The following TERB1 variants were observed in gnomAD, a reference collection of about 807,000 sequenced individuals.
TERB1 encodes telomere repeats-binding bouquet formation protein 1.
A neutral mutation model predicts 92.3 loss-of-function variants in TERB1; 63 were observed. That is an observed-to-expected ratio of 0.68 (90% CI 0.56 to 0.84). The LOEUF is 0.84. TERB1 is among the 40% of genes least tolerant of loss of function. The probability of loss-of-function intolerance (pLI) is 0.00; values close to 1 mark genes in which losing one functional copy is unlikely to be tolerated. For synonymous variants in TERB1, 252 were observed against 283.9 expected (o/e 0.89, Z 1.13); for missense variants, 709 against 843.7 (o/e 0.84, Z 1.98).
Position 66,791,059 on chromosome 16 carries a change from T to TA in TERB1, c.32-41dup. 4 of 1,195,104 alleles carry TA rather than the reference T, an allele frequency of 3.3e-6. 1 individual carries two copies. In the South Asian group the frequency reaches 4.4e-5, roughly 13 times the overall value. The allele number at this position is 1,195,104 out of a possible 1,614,324, so 74.0% of individuals were successfully genotyped here. The stretch of plus-strand genomic sequence containing the variant: ...TGTCATTATTTTAAACCAAAAGGTT[T>TA]ATTTCATAAACTAACCATTCAAATT... On this transcript the variant is annotated intron_variant, in intron 3 of 18. Transcript: ENST00000433154.
chr16:66,768,934 T>A (rs951089920), intron 14 of TERB1, among the ~76,000 whole-genome samples: 1 of 151,846 alleles, frequency 6.6e-6, no homozygotes, highest in Non-Finnish European at 1.5e-5. Context: ...AGAAACTCCA[T>A]CTCTACTAAA....
intron 13 of TERB1, 133 bp from the exon 14 acceptor site, chr16:66,770,442 T>C: frequency 3.2e-6 from 2 of 629,490 alleles, no homozygotes; most frequent in Non-Finnish European, 5.3e-6. Flanking sequence ...TAAAAGGCAG[T>C]TTACATTAGG....
rs907548871 is a variant in TERB1, at chr16:66,796,832, T to C, written c.-32-2A>G. 7.1e-7 allele frequency: 1 copy of C among 1,405,208 alleles called. No individual in the cohort carries two copies. The highest frequency in any genetic ancestry group is 2.0e-5 in the Admixed American group (1 of 50,316). 87.0% of individuals were successfully genotyped at this position (1,405,208 alleles called of 1,614,324 possible). On this transcript the variant is annotated splice_acceptor_variant, in intron 2 of 18. Transcript: ENST00000433154. LOFTEE classifies it low-confidence loss of function (5UTR_SPLICE). ...ATATTCTTTTTCCTTATATTTTGTCTATAAGATAAAGGTATTTTCTCAATT... is the reference window on the plus strand; with the variant it reads ...ATATTCTTTTTCCTTATATTTTGTCCATAAGATAAAGGTATTTTCTCAATT...
intron 10 of TERB1, among the ~76,000 whole-genome samples, chr16:66,777,797 T>C (rs959780860): frequency 1.3e-5 from 2 of 152,164 alleles, no homozygotes; most frequent in Admixed American, 1.3e-4. Flanking sequence ...ACTGACTTAC[T>C]GATGCAATGA....
At chr16:66,790,369 AAAGGAAAGGC>A (rs2018810373) in intron 5 of TERB1, among the ~76,000 whole-genome samples, 3 of 150,116 alleles carry the variant, frequency 2.0e-5, no homozygotes, top group South Asian at 2.2e-4. Flanking sequence ...GAGAAAGAAG[AAAGGAAAGGC>A]AAGGAAAGGA....
chr16:66,780,209 G>T (rs754922640), intron 9 of TERB1, among the ~76,000 whole-genome samples: 1 of 152,080 alleles, frequency 6.6e-6, no homozygotes, highest in Non-Finnish European at 1.5e-5. Flanking sequence ...TCAATATTAT[G>T]GTGGCTCCAA....
At chr16:66,793,211 G>GA (rs2018865632) in intron 3 of TERB1, among the ~76,000 whole-genome samples, 1 of 93,546 alleles carries the variant, frequency 1.1e-5, no homozygotes, top group Non-Finnish European at 1.9e-5. Context: ...TTGTGGTTTG[G>GA]TTTTTTTTTT....
At chr16:66,785,760 T>C (rs1233056431) in intron 9 of TERB1, 26 bp downstream of exon 9, 2 of 1,500,216 alleles carry the variant, frequency 1.3e-6, no homozygotes, top group Admixed American at 4.8e-5. Flanking sequence ...TCTTCAACTA[T>C]GACCTAGAAA....
intron 9 of TERB1, 100 bp from the exon 10 acceptor site, chr16:66,779,115 A>T: frequency 1.1e-6 from 1 of 911,422 alleles, no homozygotes; most frequent in Non-Finnish European, 1.5e-6. Context: ...ACCTTTTCAA[A>T]TACTTTCTAA....
At chr16:66,790,043 G>A (rs2018803043) in intron 5 of TERB1, among the ~76,000 whole-genome samples, 4 of 152,042 alleles carry the variant, frequency 2.6e-5, no homozygotes, top group Admixed American at 2.6e-4. Flanking sequence ...AAAAATATAA[G>A]AATATAAAGT....
chr16:66,793,514 G>A (rs570802467), intron 3 of TERB1, among the ~76,000 whole-genome samples: 3 of 151,250 alleles, frequency 2.0e-5, no homozygotes, highest in South Asian at 2.1e-4. Context: ...CACTGCACCC[G>A]GACTGGTTTT....
Position 66,779,019 on chromosome 16 carries a change from A to C in TERB1, c.701-4T>G. The C allele has an allele frequency of 6.8e-7, 1 of 1,479,878 alleles. No individual in the cohort carries two copies. Among genetic ancestry groups the C allele is most frequent in the Non-Finnish European group, 9.1e-7 (1 of 1,100,238 alleles). 91.7% of individuals were successfully genotyped at this position (1,479,878 alleles called of 1,614,324 possible). Reference sequence around the variant, plus strand: ...ACGAAGTATTTCTGAACATATGCTTAAAGAATAAAGTAGCAAAACTATTAA... The same window carrying C: ...ACGAAGTATTTCTGAACATATGCTTCAAGAATAAAGTAGCAAAACTATTAA... On this transcript the variant is annotated splice_region_variant and splice_polypyrimidine_tract_variant and intron_variant, in intron 9 of 18. Transcript: ENST00000433154.
At chr16:66,766,989 C>G (rs929618771) in intron 16 of TERB1, among the ~76,000 whole-genome samples, 2 of 152,068 alleles carry the variant, frequency 1.3e-5, no homozygotes, top group Non-Finnish European at 2.9e-5. Context: ...AGTATTATTT[C>G]TCCAAAGGGA....
At chr16:66,756,267 C>T (rs1191377757) in intron 18 of TERB1, among the ~76,000 whole-genome samples, 1 of 152,184 alleles carries the variant, frequency 6.6e-6, no homozygotes, top group Non-Finnish European at 1.5e-5. Context: ...CAGGCCAAGA[C>T]AGCCATTTGT....
chr16:66,783,493 C>T (rs896157284), intron 9 of TERB1, among the ~76,000 whole-genome samples: 2 of 152,148 alleles, frequency 1.3e-5, no homozygotes, highest in African/African-American at 4.8e-5. Flanking sequence ...AGGATTTTTA[C>T]ATCTATGTTC....
At chr16:66,777,125 A>G (rs1369715201) in intron 11 of TERB1, 78 bp downstream of exon 11, 6 of 1,351,348 alleles carry the variant, frequency 4.4e-6, no homozygotes, top group Non-Finnish European at 5.9e-6. Context: ...CCTTCACATA[A>G]CTGGAAGAAA....
At chr16:66,781,967 T>C (rs532315176) in intron 9 of TERB1, among the ~76,000 whole-genome samples, 223 of 152,332 alleles carry the variant, frequency 1.5e-3, no homozygotes, top group African/African-American at 5.0e-3. Flanking sequence ...GCTTTTTGTG[T>C]CCTTAGAAAC....
chr16:66,791,939 A>G (rs930748871), intron 3 of TERB1, among the ~76,000 whole-genome samples: 1 of 152,188 alleles, frequency 6.6e-6, no homozygotes, highest in Non-Finnish European at 1.5e-5. Flanking sequence ...AACTTATTCT[A>G]TGAGGCTGGT....
At chr16:66,790,810 GT>G (rs2018820399) in intron 4 of TERB1, 87 bp from the exon 5 acceptor site, 1 of 1,437,758 alleles carries the variant, frequency 7.0e-7, no homozygotes, top group Admixed American at 2.0e-5. Flanking sequence ...AACATGATAT[GT>G]AGAATAACTG....
Sources: gnomAD v4.1 joint callset for allele counts (sites outside exome capture counted in the v4.1 genomes callset) on GRCh38, gnomAD v4.1.1 for gene constraint, MANE v1.5 for transcripts, NCBI Gene and HGNC (gene_info 2026-07-23, HGNC 2026-07-21) for gene names.